Variants in EFHB observed in about 807,000 individuals in gnomAD.
The protein encoded by EFHB is EF-hand domain-containing family member B.
A neutral mutation model predicts 87.2 loss-of-function variants in EFHB; 91 were observed. That is an observed-to-expected ratio of 1.04 (90% confidence interval 0.88 to 1.24). The LOEUF is 1.24. EFHB is among the 50% of genes most tolerant of loss of function. The pLI is 0.00. For missense variants in EFHB, 1,084 were observed against 998.8 expected, an observed-to-expected ratio of 1.09 and a Z score of -1.15; for synonymous variants, 325 against 333.6, an observed-to-expected ratio of 0.97 and a Z score of 0.28.
chr3:19,923,111 A>T (rs935266304), intron 1 of EFHB, among the ~76,000 whole-genome samples: 1 of 152,070 alleles, frequency 6.6e-6, no homozygotes, highest in Non-Finnish European at 1.5e-5. Context: ...ACAAAAAAAT[A>T]TAAAAATTAG....
chr3:19,937,943 C>G (rs1696060108), upstream of EFHB, among the ~76,000 whole-genome samples: 1 of 152,138 alleles, frequency 6.6e-6, no homozygotes, highest in South Asian at 2.1e-4. Flanking sequence ...CCTGACAGTC[C>G]CTTGACTCAA....
intron 10 of EFHB, among the ~76,000 whole-genome samples, chr3:19,885,153 C>A (rs1239565891): frequency 6.8e-6 from 1 of 147,702 alleles, no homozygotes; most frequent in African/African-American, 2.5e-5. Context: ...ATCAGGGAGG[C>A]AATGGTTGCA....
intron 1 of EFHB, among the ~76,000 whole-genome samples, chr3:19,926,653 C>T (rs112906177): frequency 0.043 from 4,568 of 107,190 alleles, 226 homozygotes; most frequent in African/African-American, 0.15. Flanking sequence ...AGCCACCACG[C>T]CCAGCCTGCT....
At chr3:19,890,209 C>G (rs1157680009) in intron 9 of EFHB, among the ~76,000 whole-genome samples, 1 of 152,140 alleles carries the variant, frequency 6.6e-6, no homozygotes, top group Admixed American at 6.6e-5. Flanking sequence ...CACTCAAAAT[C>G]AAAGTAAATA....
At position 19,919,900 on chromosome 3, in the gene EFHB, C is replaced by A; in HGVS notation, c.929G>T (p.Gly310Val). Residue 310 changes from glycine (G) to valine (V), a missense_variant, in exon 3 of 13, where the codon GGA becomes GTA. Physicochemically the swap from Gly to Val is moderately radical, Grantham distance 109. Coordinates refer to ENST00000295824, the MANE Select transcript of EFHB (RefSeq NM_144715.4). ...PPAGVERVFYGRANDPQIAPY... is the reference protein window; with the variant it reads ...PPAGVERVFYVRANDPQIAPY... ...TGCAATCTGGGGATCATTTGCTCTT[C>A]CGTAAAATACTCTTTCTACTCCAGC... 1 of 1,613,754 alleles carries A rather than the reference C, an allele frequency of 6.2e-7. No individual in the cohort carries two copies. The highest frequency in any genetic ancestry group is 1.3e-5 in the African/African-American group (1 of 75,030).
chr3:19,925,567 T>C (rs1363860320), intron 1 of EFHB, among the ~76,000 whole-genome samples: 1 of 152,072 alleles, frequency 6.6e-6, no homozygotes, highest in Non-Finnish European at 1.5e-5. Flanking sequence ...GTAACCCAAC[T>C]CCAAACTGCA....
chr3:19,899,335 T>A, intron 7 of EFHB, 97 bp downstream of exon 7: 6 of 745,492 alleles, frequency 8.0e-6, no homozygotes, highest in Non-Finnish European at 1.2e-5. Flanking sequence ...TCTTATTTAA[T>A]AGATAGAATC....
At chr3:19,934,604 A>C (rs751751785), upstream of EFHB, among the ~76,000 whole-genome samples, 6 of 152,130 alleles carry the variant, frequency 3.9e-5, no homozygotes, top group South Asian at 6.2e-4. Context: ...TCGGCGCATC[A>C]AATGTTCACC....
chr3:19,930,003 GT>G (rs1205964220), intron 1 of EFHB, among the ~76,000 whole-genome samples: 1 of 152,042 alleles, frequency 6.6e-6, no homozygotes, highest in East Asian at 1.9e-4. Flanking sequence ...TTCTTTACCT[GT>G]AAAATAGGAT....
At chr3:19,927,308 C>T (rs1442782575) in intron 1 of EFHB, among the ~76,000 whole-genome samples, 2 of 152,154 alleles carry the variant, frequency 1.3e-5, no homozygotes, top group Non-Finnish European at 2.9e-5. Flanking sequence ...AGTCAAGTGC[C>T]CTTTCAAGGG....
At chr3:19,945,763 C>T (rs533619539) in intron 1 of EFHB, among the ~76,000 whole-genome samples, 1 of 152,292 alleles carries the variant, frequency 6.6e-6, no homozygotes, top group African/African-American at 2.4e-5. Flanking sequence ...ACATTACGTT[C>T]TTCTGGCAAC....
Position 19,920,117 on chromosome 3 carries a change from A to T in EFHB, c.853-141T>A, listed in dbSNP as rs73190443. The T allele has an allele frequency of 0.011, 9,275 of 849,126 alleles. 538 individuals are homozygous for T. The African/African-American group carries it at 0.13, about 12-fold the overall frequency. The allele number at this position is 849,126 out of a possible 1,614,324, so 52.6% of individuals were successfully genotyped here. On this transcript the variant is annotated intron_variant, in intron 2 of 12. Coordinates refer to ENST00000295824, the MANE Select transcript of EFHB (RefSeq NM_144715.4). ...GGAACTACAGCCCCAAATAATGAAC[A>T]TCCCCCTAAAATGTATTTATTTATT... is the stretch of plus-strand genomic sequence containing the variant.
intron 1 of EFHB, among the ~76,000 whole-genome samples, chr3:19,924,857 A>C (rs1340584668): frequency 1.3e-5 from 2 of 152,130 alleles, no homozygotes; most frequent in African/African-American, 4.8e-5. Context: ...TATACCCTAA[A>C]ACTTAAAGTA....
rs769970752 is a variant in EFHB at position 19,915,331 on chromosome 3, A to G, written c.1260T>C (p.Tyr420=). The G allele has an allele frequency of 5.6e-6, 9 of 1,613,050 alleles. No homozygotes were observed. Among genetic ancestry groups the G allele is most frequent in the Non-Finnish European group, 7.6e-6 (9 of 1,179,416 alleles). ...CATAATAATCATTGTGAGAAACAAC[A>G]TACAAATCATGTCCTTCATTTCCTT... is the stretch of plus-strand genomic sequence containing the variant. ...FKEGNEGHDL[Y]VVSHNDYYAG... The change falls in exon 5 of 13, where the codon TAT becomes TAC. Residue 420 remains tyrosine (Y), a synonymous_variant. Coordinates refer to ENST00000295824, the MANE Select transcript of EFHB (RefSeq NM_144715.4).
Position 19,879,631 on chromosome 3 carries a change from T to G in EFHB, c.2502A>C (p.Ter834CysextTer27). 1.3e-6 allele frequency: 2 copies of G among 1,554,054 alleles called. No homozygotes were observed. Among genetic ancestry groups the G allele is most frequent in the Middle Eastern group, 1.7e-4 (1 of 5,830 alleles). The stretch of plus-strand genomic sequence containing the variant: ...CTTGAATGAATGAAGTCCAAAAATA[T>G]CACATGAGTGTTTTACACTTGATCC... ...ADRIKCKTLM[*>C] Residue 834 changes from the stop codon to cysteine (C), a stop_lost, in exon 13 of 13, where the codon TGA (stop) becomes TGC (cysteine). Transcript: ENST00000295824.
At chr3:19,934,712 C>A (rs1211520389), upstream of EFHB, among the ~76,000 whole-genome samples, 1 of 152,036 alleles carries the variant, frequency 6.6e-6, no homozygotes, top group Non-Finnish European at 1.5e-5. Context: ...TGATGATGAA[C>A]AAATAAACTT....
chr3:19,939,010 G>A (rs1226071933), upstream of EFHB, among the ~76,000 whole-genome samples: 12 of 152,002 alleles, frequency 7.9e-5, no homozygotes, highest in Non-Finnish European at 1.6e-4. Context: ...GGGCTCAAGC[G>A]ATTCTCCTGC....
chr3:19,904,415 G>T (rs1045909494), intron 6 of EFHB, among the ~76,000 whole-genome samples: 3 of 152,042 alleles, frequency 2.0e-5, no homozygotes, highest in Non-Finnish European at 4.4e-5. Flanking sequence ...TGTTGCCCAG[G>T]CTGGCCTCAA....
chr3:19,922,535 T>C (rs1223372996), intron 1 of EFHB, among the ~76,000 whole-genome samples: 1 of 152,156 alleles, frequency 6.6e-6, no homozygotes, highest in Non-Finnish European at 1.5e-5. Context: ...AAGTATACTT[T>C]CTGTAATGCA....
Sources: allele counts gnomAD v4.1 joint callset (sites outside exome capture counted in the v4.1 genomes callset), GRCh38; gene constraint gnomAD v4.1.1; transcripts MANE v1.5; gene names NCBI Gene and HGNC (gene_info 2026-07-23, HGNC 2026-07-21).